HSD17B13: variants seen among roughly 807,000 people sequenced by gnomAD.
HSD17B13 encodes 17-beta-hydroxysteroid dehydrogenase 13.
In HSD17B13, 26 loss-of-function variants were observed where a neutral mutation model predicts 31.1. The observed-to-expected ratio is 0.84, with a 90% confidence interval of 0.61 to 1.16. The LOEUF (loss-of-function observed/expected upper bound fraction) is 1.16. Among genes scored for constraint, HSD17B13 ranks in the 50% most tolerant of loss-of-function variants. HSD17B13 has a pLI of 0.00. For missense variants in HSD17B13, 374 were observed against 366.5 expected, an observed-to-expected ratio of 1.02 and a Z score of -0.17; for synonymous variants, 141 against 133.7, an observed-to-expected ratio of 1.05 and a Z score of -0.38.
At chr4:87,306,661 CTT>C (rs1734394788) in intron 6 of HSD17B13, among the ~76,000 whole-genome samples, 1 of 151,932 alleles carries the variant, frequency 6.6e-6, no homozygotes, top group Admixed American at 6.6e-5. Context: ...AATCCCAGCA[CTT>C]TGAGAGGCAC....
chr4:87,320,748 A>G (rs930247619), intron 1 of HSD17B13, among the ~76,000 whole-genome samples: 4 of 152,164 alleles, frequency 2.6e-5, no homozygotes, highest in African/African-American at 9.7e-5. Flanking sequence ...TCTTTTTGTT[A>G]GCAAAACACT....
intron 3 of HSD17B13, among the ~76,000 whole-genome samples, 199 bp downstream of exon 3, chr4:87,316,893 C>T (rs541432605): frequency 1.3e-5 from 2 of 152,180 alleles, no homozygotes; most frequent in Non-Finnish European, 2.9e-5. Flanking sequence ...AGCTTACATT[C>T]TGGTGTGTTG....
chr4:87,306,831 C>G (rs1038302363), intron 6 of HSD17B13, among the ~76,000 whole-genome samples: 3 of 139,926 alleles, frequency 2.1e-5, no homozygotes, highest in Non-Finnish European at 4.5e-5. Context: ...TGCTTGAACT[C>G]AGGAGGTGGA....
chr4:87,314,404 C>G (rs1488082219), intron 4 of HSD17B13, among the ~76,000 whole-genome samples: 1 of 152,110 alleles, frequency 6.6e-6, no homozygotes, highest in Non-Finnish European at 1.5e-5. Flanking sequence ...CTCTCAATAA[C>G]TGAGTTATTC....
At chr4:87,308,561 G>C (rs184647462) in intron 6 of HSD17B13, among the ~76,000 whole-genome samples, 85 of 130,210 alleles carry the variant, frequency 6.5e-4, no homozygotes, top group East Asian at 2.3e-3. Context: ...GGCGCCTGTA[G>C]TCCCAGCAAC....
chr4:87,318,492 GA>G, intron 1 of HSD17B13, 56 bp from the exon 2 acceptor site: 1 of 1,463,948 alleles, frequency 6.8e-7, no homozygotes, highest in Non-Finnish European at 9.6e-7. Context: ...CATTGGAGAA[GA>G]AAAATTTTTA....
intron 5 of HSD17B13, among the ~76,000 whole-genome samples, chr4:87,312,444 G>C (rs1734549648): frequency 6.6e-6 from 1 of 151,140 alleles, no homozygotes; most frequent in Non-Finnish European, 1.5e-5. Context: ...CCTCTCTAAA[G>C]GGCTGCTCTC....
At chr4:87,320,804 C>T (rs1289067346) in intron 1 of HSD17B13, among the ~76,000 whole-genome samples, 3 of 152,176 alleles carry the variant, frequency 2.0e-5, no homozygotes, top group South Asian at 2.1e-4. Flanking sequence ...GTATTCCCAA[C>T]GCAACAGTTT....
intron 5 of HSD17B13, among the ~76,000 whole-genome samples, chr4:87,311,368 C>A (rs1237241436): frequency 6.6e-6 from 1 of 152,092 alleles, no homozygotes; most frequent in Non-Finnish European, 1.5e-5. Flanking sequence ...GTGGCCTTGC[C>A]CCGAATTATT....
chr4:87,321,362 T>C (rs1734783932), intron 1 of HSD17B13, among the ~76,000 whole-genome samples: 1 of 152,110 alleles, frequency 6.6e-6, no homozygotes, highest in Non-Finnish European at 1.5e-5. Context: ...TTCCTTCTAA[T>C]TTACTTTTCT....
intron 3 of HSD17B13, 92 bp downstream of exon 3, chr4:87,317,000 T>C (rs757079385): frequency 5.6e-5 from 72 of 1,282,564 alleles, no homozygotes; most frequent in Non-Finnish European, 6.6e-5. Context: ...ATCTGGCCAG[T>C]TTCCTGTCCA....
In HSD17B13 at chr4:87,313,970, A is replaced by C. The variant is rs1560748677; in HGVS notation, c.558-10T>G. The C allele has an allele frequency of 1.3e-6, 2 of 1,538,752 alleles. No homozygotes were observed. The highest frequency in any genetic ancestry group is 2.5e-5 in the South Asian group (2 of 79,138). The stretch of plus-strand genomic sequence containing the variant: ...GGCAAATTTGCTGGAACTGTAAGAG[A>C]ATTATTAAGCATTGTTAGCTAAGGG... On this transcript the variant is annotated splice_polypyrimidine_tract_variant and intron_variant, in intron 4 of 6. Transcript: ENST00000328546.
chr4:87,307,954 G>T (rs1038786344), intron 6 of HSD17B13, among the ~76,000 whole-genome samples: 2 of 152,156 alleles, frequency 1.3e-5, no homozygotes, highest in African/African-American at 4.8e-5. Flanking sequence ...TTTGTTCATA[G>T]TTTATATGGA....
chr4:87,308,724 C>G (rs1042143594), intron 6 of HSD17B13, among the ~76,000 whole-genome samples: 1 of 149,884 alleles, frequency 6.7e-6, no homozygotes, highest in African/African-American at 2.4e-5. Flanking sequence ...ATAAGACATT[C>G]TAAAGACATT....
intron 2 of HSD17B13, among the ~76,000 whole-genome samples, chr4:87,317,781 G>C (rs1734689341): frequency 6.6e-6 from 1 of 151,478 alleles, no homozygotes; most frequent in Non-Finnish European, 1.5e-5. Flanking sequence ...TAACCTCTCT[G>C]AGTCATAATT....
chr4:87,317,568 T>TTTTTTTC (rs1734683011), intron 2 of HSD17B13, among the ~76,000 whole-genome samples: 1 of 111,762 alleles, frequency 8.9e-6, no homozygotes, highest in African/African-American at 4.6e-5. Flanking sequence ...TTAAACTTTT[T>TTTTTTTC]TTTTTTTTTT....
At position 87,322,675 on chromosome 4, in the gene HSD17B13, A is replaced by G. The variant is rs141927505; in HGVS notation, c.167T>C (p.Phe56Ser). ...HGIGRQTTYEFAKRQSILVLW... is the reference protein window; with the variant it reads ...HGIGRQTTYESAKRQSILVLW... Reference sequence around the variant, plus strand: ...AACCAATATGCTCTGTCGTTTTGCAAATTCATAAGTAGTCTGCCTGCCTAT... The same window carrying G: ...AACCAATATGCTCTGTCGTTTTGCAGATTCATAAGTAGTCTGCCTGCCTAT... Residue 56 changes from phenylalanine to serine, a missense_variant, in exon 1 of 7, where the codon TTT becomes TCT. By Grantham distance (155) the Phe-to-Ser change is radical. Transcript: ENST00000328546. The G allele has an allele frequency of 1.2e-6, 2 of 1,614,172 alleles. No homozygotes were observed. Among genetic ancestry groups the G allele is most frequent in the Non-Finnish European group, 1.7e-6 (2 of 1,180,018 alleles).
Position 87,303,808 on chromosome 4 carries a change from G to T in HSD17B13, c.*1410C>A, listed in dbSNP as rs1479635438. 2.0e-5 allele frequency: 3 copies of T among 151,980 alleles called. No individual in the cohort carries two copies. Among genetic ancestry groups the T allele is most frequent in the African/African-American group, 7.3e-5 (3 of 41,366 alleles). 9.4% of individuals were successfully genotyped at this position (151,980 alleles called of 1,614,324 possible). On this transcript the variant is annotated 3_prime_UTR_variant, in exon 7 of 7. Transcript: ENST00000328546. ...TAGAGACAGAGTTTAGAAGTCAAAC[G>T]TTTTATTTTATAACTACAAGAGGTT...
Position 87,318,316 on chromosome 4 carries a change from C to A in HSD17B13, c.318+13G>T. 1 of 1,579,690 alleles carries A rather than the reference C, an allele frequency of 6.3e-7. No individual in the cohort carries two copies. The highest frequency in any genetic ancestry group is 1.1e-5 in the South Asian group (1 of 90,404). The stretch of plus-strand genomic sequence containing the variant: ...AAAATAATCTGAAGAAATTTGTGAA[C>A]CTGCAGTCTCACCTGATTTAGAGAG... On this transcript the variant is annotated intron_variant, in intron 2 of 6. Coordinates refer to ENST00000328546, the MANE Select transcript of HSD17B13 (RefSeq NM_178135.5).
Sources: gnomAD v4.1 joint callset for allele counts (sites outside exome capture counted in the v4.1 genomes callset) on GRCh38, gnomAD v4.1.1 for gene constraint, MANE v1.5 for transcripts, NCBI Gene and HGNC (gene_info 2026-07-23, HGNC 2026-07-21) for gene names.